Variants in WBP1L observed in about 807,000 individuals in gnomAD.
WBP1L encodes WW domain binding protein 1-like.
Under a neutral mutation model 33.7 loss-of-function variants are expected in WBP1L, and 17 were observed. The ratio of observed to expected loss-of-function variants is 0.50; its 90% CI spans 0.34 to 0.76. The LOEUF (loss-of-function observed/expected upper bound fraction) is 0.76, where lower values mean the gene tolerates loss of function less well. WBP1L is among the 30% of genes least tolerant of loss of function. WBP1L has a pLI of 0.01. For synonymous variants in WBP1L, 173 were observed against 190.8 expected (o/e 0.91, Z 0.77); for missense variants, 389 against 469.4 (o/e 0.83, Z 1.58).
intron 1 of WBP1L, among the ~76,000 whole-genome samples, chr10:102,754,617 C>T (rs916339513): frequency 5.0e-4 from 76 of 151,742 alleles, no homozygotes; most frequent in African/African-American, 1.7e-3. Context: ...AGGCTGGTCT[C>T]GAACTCCTGA....
intron 1 of WBP1L, chr10:102,746,210 T>C: frequency 1.0e-6 from 1 of 978,200 alleles, no homozygotes; most frequent in Non-Finnish European, 1.2e-6. Context: ...GTTAATGTTA[T>C]ATTCTAATTG....
rs776987670 is a variant in WBP1L, at chr10:102,812,911, G to A, written c.672G>A (p.Leu224=). 6.3e-7 allele frequency: 1 copy of A among 1,583,586 alleles called. No homozygotes were observed. Among genetic ancestry groups the A allele is most frequent in the Admixed American group, 1.7e-5 (1 of 58,004 alleles). Residue 224 remains leucine (L), a synonymous_variant, in exon 4 of 4, where the codon CTG becomes CTA. Transcript: ENST00000448841. ...GMEPSGSVAG[L]GELDPGAFLD... ...AGCCCAGTGGCTCTGTGGCTGGCCT[G>A]GGGGAGCTGGACCCGGGGGCCTTCC...
At chr10:102,746,949 G>T (rs1402473671) in intron 1 of WBP1L, among the ~76,000 whole-genome samples, 1 of 152,152 alleles carries the variant, frequency 6.6e-6, no homozygotes, top group Non-Finnish European at 1.5e-5. Flanking sequence ...GCCATTTCTT[G>T]TTTATGCAGG....
chr10:102,810,060 T>C lies in WBP1L; in HGVS notation c.355+6T>C. 1.2e-6 allele frequency: 2 copies of C among 1,605,796 alleles called. No individual in the cohort carries two copies. The highest frequency in any genetic ancestry group is 2.2e-5 in the East Asian group (1 of 44,834). ...AGCGCTGCCATTTTATTTCAGTACG[T>C]ACACCCAAGCCCCCATACCCACCCT... is the stretch of plus-strand genomic sequence containing the variant. On this transcript the variant is annotated splice_donor_region_variant and intron_variant, in intron 3 of 3. Coordinates refer to ENST00000448841, the MANE Select transcript of WBP1L (RefSeq NM_001083913.2).
chr10:102,785,350 G>C lies in WBP1L; in HGVS notation c.91-12643G>C, dbSNP rs377306360. Among the ~76,000 whole-genome samples, 42 of 152,016 alleles carry C rather than the reference G, an allele frequency of 2.8e-4. No homozygotes were observed. In the South Asian group the frequency reaches 8.5e-3, roughly 31 times the overall value. ...CTACAGGCGCCTGCCACCACGCCCA[G>C]CTAATTTTTTGTATTTTTAGTAGGG... On this transcript the variant is annotated intron_variant, in intron 1 of 3. Transcript: ENST00000448841.
At chr10:102,789,468 G>A (rs890828646) in intron 1 of WBP1L, among the ~76,000 whole-genome samples, 3 of 152,096 alleles carry the variant, frequency 2.0e-5, no homozygotes, top group Non-Finnish European at 2.9e-5. Flanking sequence ...TGTTCTCACC[G>A]GTCTGGTTAA....
In WBP1L at chr10:102,767,200, C is replaced by A. The variant is rs866538268; in HGVS notation, c.90+23057C>A. 6.6e-5 allele frequency among the ~76,000 whole-genome samples: 10 copies of A among 152,296 alleles called. No homozygotes were observed. The South Asian group carries it at 1.5e-3, about 22-fold the overall frequency. On this transcript the variant is annotated intron_variant, in intron 1 of 3. Transcript: ENST00000448841. ...TGAGTTTCAGAGACCCCTGCACATT[C>A]TGGAGATGGCAGCGAATTGTTGTGC...
At chr10:102,779,924 G>A (rs1843315566) in intron 1 of WBP1L, among the ~76,000 whole-genome samples, 1 of 152,126 alleles carries the variant, frequency 6.6e-6, no homozygotes, top group Non-Finnish European at 1.5e-5. Context: ...AGAGCATTCC[G>A]GACAGATCAG....
chr10:102,793,681 A>C (rs1452496615), intron 1 of WBP1L, among the ~76,000 whole-genome samples: 1 of 152,072 alleles, frequency 6.6e-6, no homozygotes, highest in East Asian at 1.9e-4. Flanking sequence ...AATAATGTTG[A>C]TAGTAGGAGC....
chr10:102,772,075 C>A lies in WBP1L; in HGVS notation c.91-25918C>A, dbSNP rs1843194140. ...TCCCGGGTTCACTCCATTCTCCTGC[C>A]TCAGCTCCCAAGTAGCTGGAACTAC... On this transcript the variant is annotated intron_variant, in intron 1 of 3. Transcript: ENST00000448841. Among the ~76,000 whole-genome samples, 10 of 147,678 alleles carry A rather than the reference C, an allele frequency of 6.8e-5. No individual in the cohort carries two copies. The South Asian group carries it at 2.1e-3, about 32-fold the overall frequency.
intron 2 of WBP1L, among the ~76,000 whole-genome samples, chr10:102,805,203 C>T (rs1211623575): frequency 6.6e-6 from 1 of 152,098 alleles, no homozygotes; most frequent in East Asian, 1.9e-4. Context: ...GCTCCTTGAG[C>T]CCAGGAGTTG....
intron 1 of WBP1L, among the ~76,000 whole-genome samples, chr10:102,771,651 G>T (rs890078277): frequency 1.2e-4 from 18 of 151,788 alleles, no homozygotes; most frequent in African/African-American, 2.9e-4. Flanking sequence ...CTAATAAAAA[G>T]ACAAAAATTA....
At chr10:102,758,713 G>A (rs1418290570) in intron 1 of WBP1L, among the ~76,000 whole-genome samples, 1 of 152,144 alleles carries the variant, frequency 6.6e-6, no homozygotes. Flanking sequence ...TGCAGAGACC[G>A]GTAGTGGCCC....
chr10:102,768,364 G>GTTTTTTTTTTTTTTTTTTTTTTTTT (rs1436727549), intron 1 of WBP1L, among the ~76,000 whole-genome samples: 1 of 44,564 alleles, frequency 2.2e-5, no homozygotes, highest in Non-Finnish European at 4.0e-5. Flanking sequence ...CCTGGCATTA[G>GTTTTTTTTTTTTTTTTTTTTTTTTT]TTTTTTGTTT....
At chr10:102,799,313 G>A (rs534252368) in intron 2 of WBP1L, among the ~76,000 whole-genome samples, 58 of 151,752 alleles carry the variant, frequency 3.8e-4, no homozygotes, top group Non-Finnish European at 7.8e-4. Flanking sequence ...GCAACAGAGC[G>A]AGGCTCCATC....
At chr10:102,806,637 T>C (rs1325045286) in intron 2 of WBP1L, among the ~76,000 whole-genome samples, 1 of 152,238 alleles carries the variant, frequency 6.6e-6, no homozygotes. Flanking sequence ...TGGATTTTCC[T>C]GTCTGCTGAT....
At chr10:102,800,481 A>C (rs527390127) in intron 2 of WBP1L, among the ~76,000 whole-genome samples, 2 of 152,284 alleles carry the variant, frequency 1.3e-5, no homozygotes, top group East Asian at 3.9e-4. Context: ...CCAAGGGCTT[A>C]AAGAAAGTCA....
chr10:102,766,526 G>A (rs1843112915), intron 1 of WBP1L, among the ~76,000 whole-genome samples: 1 of 151,826 alleles, frequency 6.6e-6, no homozygotes, highest in African/African-American at 2.4e-5. Context: ...GGAGGCTGAG[G>A]TGGGAGGATT....
intron 1 of WBP1L, among the ~76,000 whole-genome samples, chr10:102,767,684 T>C (rs965027522): frequency 6.6e-6 from 1 of 152,126 alleles, no homozygotes; most frequent in South Asian, 2.1e-4. Context: ...ATCTGTATCT[T>C]CCTTCCACCT....
Sources: gnomAD v4.1 joint callset for allele counts (sites outside exome capture counted in the v4.1 genomes callset) on GRCh38, gnomAD v4.1.1 for gene constraint, MANE v1.5 for transcripts, NCBI Gene and HGNC (gene_info 2026-07-23, HGNC 2026-07-21) for gene names.